The following SHANK2 variants were observed in gnomAD, a reference collection of about 807,000 sequenced individuals.
SHANK2 encodes SH3 and multiple ankyrin repeat domains protein 2.
Under a neutral mutation model 133.7 loss-of-function variants are expected in SHANK2, and 43 were observed. That is an observed-to-expected ratio of 0.32 (90% confidence interval 0.25 to 0.41). The LOEUF (loss-of-function observed/expected upper bound fraction) is 0.41, where lower values mean the gene tolerates loss of function less well. Ranked by LOEUF, SHANK2 falls within the 10% of genes least tolerant of loss-of-function variation. SHANK2 has a pLI of 1.00. For missense variants in SHANK2, 1,994 were observed against 2,235.8 expected (o/e 0.89, Z 2.18); for synonymous variants, 1,017 against 952.8 (o/e 1.07, Z -1.24).
intron 3 of SHANK2, among the ~76,000 whole-genome samples, chr11:71,131,989 T>C (rs1952317907): frequency 6.6e-6 from 1 of 152,158 alleles, no homozygotes; most frequent in African/African-American, 2.4e-5. Context: ...GCCGAGCTAA[T>C]GAGTCCAACT....
intron 6 of SHANK2, among the ~76,000 whole-genome samples, chr11:71,108,822 G>C (rs1429277875): frequency 6.6e-6 from 1 of 152,186 alleles, no homozygotes; most frequent in Non-Finnish European, 1.5e-5. Context: ...GCCCGTGCCG[G>C]CTTCTCCTGC....
chr11:70,771,234 A>C (rs1947243396), intron 14 of SHANK2, among the ~76,000 whole-genome samples: 1 of 152,170 alleles, frequency 6.6e-6, no homozygotes. Flanking sequence ...GCCCAGAGAC[A>C]GTTTCTATAA....
At chr11:71,194,388 G>C (rs1953856380) in intron 2 of SHANK2, among the ~76,000 whole-genome samples, 1 of 152,198 alleles carries the variant, frequency 6.6e-6, no homozygotes, top group Non-Finnish European at 1.5e-5. Flanking sequence ...AGTCGGGGCA[G>C]GCTGCCACTG....
At chr11:71,113,484 T>A in intron 4 of SHANK2, 120 bp from the exon 5 acceptor site, 1 of 847,880 alleles carries the variant, frequency 1.2e-6, no homozygotes, top group Admixed American at 2.1e-5. Context: ...ACAGCAAACT[T>A]CCAGTTTTAA....
intron 14 of SHANK2, among the ~76,000 whole-genome samples, chr11:70,743,135 G>T (rs1416725642): frequency 6.6e-6 from 1 of 152,218 alleles, no homozygotes; most frequent in Non-Finnish European, 1.5e-5. Context: ...ACAGGGCGGG[G>T]GCTGGAGGGG....
chr11:71,120,392 C>T (rs782533151), intron 3 of SHANK2, among the ~76,000 whole-genome samples: 2 of 152,198 alleles, frequency 1.3e-5, no homozygotes, highest in African/African-American at 4.8e-5. Flanking sequence ...CAAACCAATT[C>T]TCTATCTGAG....
intron 10 of SHANK2, among the ~76,000 whole-genome samples, chr11:70,921,023 G>C (rs1237450536): frequency 6.6e-6 from 1 of 152,158 alleles, no homozygotes. Flanking sequence ...TTCCATGTCT[G>C]AGACAAGAAA....
At chr11:70,560,353 G>T (rs1211926081) in intron 17 of SHANK2, among the ~76,000 whole-genome samples, 1 of 152,134 alleles carries the variant, frequency 6.6e-6, no homozygotes, top group Non-Finnish European at 1.5e-5. Context: ...TATAGCAAAA[G>T]CATTAAACAT....
chr11:70,652,560 A>G (rs1322683490), intron 17 of SHANK2, among the ~76,000 whole-genome samples: 1 of 152,200 alleles, frequency 6.6e-6, no homozygotes, highest in African/African-American at 2.4e-5. Flanking sequence ...CTTTAGTCCC[A>G]GTACTTCAGG....
At chr11:70,827,632 G>T (rs1948662952) in intron 11 of SHANK2, among the ~76,000 whole-genome samples, 1 of 141,238 alleles carries the variant, frequency 7.1e-6, no homozygotes, top group African/African-American at 2.7e-5. Context: ...CTGTGTGTGT[G>T]TGTGTGTTTT....
chr11:70,660,018 C>A, intron 16 of SHANK2, 66 bp from the exon 17 acceptor site: 1 of 1,609,960 alleles, frequency 6.2e-7, no homozygotes, highest in Non-Finnish European at 8.5e-7. Context: ...ATTGCCTGAC[C>A]TCCCCACAGG....
chr11:70,718,887 C>T (rs939094157), intron 14 of SHANK2, among the ~76,000 whole-genome samples: 1 of 152,142 alleles, frequency 6.6e-6, no homozygotes, highest in African/African-American at 2.4e-5. Flanking sequence ...TGGACTGAAT[C>T]CCACTTTGCC....
intron 15 of SHANK2, among the ~76,000 whole-genome samples, chr11:70,690,362 C>G (rs1246084988): frequency 6.6e-6 from 1 of 151,676 alleles, no homozygotes; most frequent in African/African-American, 2.4e-5. Context: ...CTCTGAAACA[C>G]TGATAGAGTG....
At chr11:70,480,030 C>G (rs2058712840) in intron 25 of SHANK2, among the ~76,000 whole-genome samples, 1 of 152,184 alleles carries the variant, frequency 6.6e-6, no homozygotes, top group African/African-American at 2.4e-5. Flanking sequence ...GCTGCCTGGG[C>G]CATCTTCAGG....
At chr11:70,682,348 C>T (rs1366709622) in intron 15 of SHANK2, among the ~76,000 whole-genome samples, 8 of 152,264 alleles carry the variant, frequency 5.3e-5, no homozygotes, top group South Asian at 2.1e-4. Flanking sequence ...TGCTGTGTGG[C>T]GGAGCCCGCT....
chr11:70,911,354 T>G (rs566793528), intron 10 of SHANK2, among the ~76,000 whole-genome samples: 41 of 147,844 alleles, frequency 2.8e-4, no homozygotes, highest in Non-Finnish European at 6.0e-4. Flanking sequence ...AGACTCCATC[T>G]CAAAAAAAAC....
chr11:70,547,682 T>C (rs782712671), intron 17 of SHANK2, among the ~76,000 whole-genome samples: 11 of 152,284 alleles, frequency 7.2e-5, no homozygotes, highest in South Asian at 2.1e-4. Context: ...TTGAGGAAGG[T>C]ACAGATCTGA....
intron 17 of SHANK2, among the ~76,000 whole-genome samples, chr11:70,621,043 G>C (rs1298396884): frequency 6.6e-6 from 1 of 152,218 alleles, no homozygotes; most frequent in African/African-American, 2.4e-5. Flanking sequence ...AAATGGGGAT[G>C]GATGGTAACA....
intron 14 of SHANK2, among the ~76,000 whole-genome samples, chr11:70,760,458 T>C (rs548330277): frequency 6.6e-6 from 1 of 152,348 alleles, no homozygotes; most frequent in South Asian, 2.1e-4. Context: ...TCACCTGCCA[T>C]TGGATTTGGA....
Sources: allele counts gnomAD v4.1 joint callset (sites outside exome capture counted in the v4.1 genomes callset), GRCh38; gene constraint gnomAD v4.1.1; transcripts MANE v1.5; gene names NCBI Gene and HGNC (gene_info 2026-07-23, HGNC 2026-07-21).